NALF1: variants seen among roughly 807,000 people sequenced by gnomAD.
NALF1 encodes the protein NALCN channel auxiliary factor 1.
In NALF1, 3 loss-of-function variants were observed where a neutral mutation model predicts 48.4. That is an observed-to-expected ratio of 0.06 (90% CI 0.03 to 0.16). The LOEUF (loss-of-function observed/expected upper bound fraction) is 0.16. Among genes scored for constraint, NALF1 ranks in the 10% least tolerant of loss-of-function variants. The pLI, the probability that NALF1 is intolerant of heterozygous loss-of-function variation, is 1.00. For synonymous variants in NALF1, 262 were observed against 245.7 expected (o/e 1.07, Z -0.62); for missense variants, 526 against 571.5 (o/e 0.92, Z 0.81).
chr13:107,574,130 A>T (rs781577824), intron 1 of NALF1, among the ~76,000 whole-genome samples: 4 of 152,202 alleles, frequency 2.6e-5, no homozygotes, highest in Non-Finnish European at 4.4e-5. Context: ...AATATATGAC[A>T]TGCCTACTTC....
intron 1 of NALF1, among the ~76,000 whole-genome samples, chr13:107,590,624 T>C (rs1159186910): frequency 1.3e-5 from 2 of 152,026 alleles, no homozygotes; most frequent in Non-Finnish European, 2.9e-5. Context: ...TCTCGGAGGT[T>C]AGAAACAAGT....
At chr13:107,705,087 A>T (rs193277477) in intron 1 of NALF1, among the ~76,000 whole-genome samples, 1 of 152,324 alleles carries the variant, frequency 6.6e-6, no homozygotes, top group Non-Finnish European at 1.5e-5. Context: ...AAAAGTACAT[A>T]TATTACTCCC....
At chr13:107,324,730 T>C (rs938365477) in intron 1 of NALF1, among the ~76,000 whole-genome samples, 10 of 152,220 alleles carry the variant, frequency 6.6e-5, no homozygotes, top group African/African-American at 2.2e-4. Context: ...TGGCCAAACT[T>C]TTCTGAAATA....
In NALF1 at chr13:107,279,826, A is replaced by G. The variant is rs74114093; in HGVS notation, c.916-69071T>C. Among the ~76,000 whole-genome samples the G allele has an allele frequency of 2.6e-3, 399 of 152,282 alleles. 3 individuals carry two copies. The highest frequency in any genetic ancestry group is 9.1e-3 in the African/African-American group (378 of 41,548). ...CCTTCATTTCCTTTCCACCTGCTAA[A>G]TAATATCTTGGAATCAACTCCCACA... On this transcript the variant is annotated intron_variant, in intron 1 of 2. Transcript: ENST00000375915.
intron 1 of NALF1, among the ~76,000 whole-genome samples, chr13:107,507,192 T>G (rs1011910580): frequency 6.6e-6 from 1 of 152,104 alleles, no homozygotes; most frequent in Non-Finnish European, 1.5e-5. Flanking sequence ...TAGAATTTCA[T>G]GTTAAGCTGA....
intron 1 of NALF1, among the ~76,000 whole-genome samples, chr13:107,810,791 A>G (rs1416326940): frequency 6.6e-6 from 1 of 151,876 alleles, no homozygotes; most frequent in African/African-American, 2.4e-5. Flanking sequence ...TCTTTTTTGC[A>G]TGCAAAAAAA....
At chr13:107,795,719 A>C (rs1262416024) in intron 1 of NALF1, among the ~76,000 whole-genome samples, 1 of 152,196 alleles carries the variant, frequency 6.6e-6, no homozygotes, top group African/African-American at 2.4e-5. Context: ...TACAATTTGC[A>C]AGCAAAGTTA....
chr13:107,244,770 T>C (rs1333491581), intron 1 of NALF1, among the ~76,000 whole-genome samples: 1 of 152,202 alleles, frequency 6.6e-6, no homozygotes, highest in Non-Finnish European at 1.5e-5. Context: ...TTTTACACAT[T>C]GTAAAACTAT....
Position 107,473,174 on chromosome 13 carries a change from A to G in NALF1, c.916-262419T>C, listed in dbSNP as rs538267030. Among the ~76,000 whole-genome samples the G allele has an allele frequency of 1.6e-4, 25 of 152,302 alleles. No homozygotes were observed. In the South Asian group the frequency reaches 2.5e-3, roughly 15 times the overall value. ...AATACCAATGCTTCCCTTGTGTACC[A>G]CAGGCTTTTCTGTTTTTACACTGAC... On this transcript the variant is annotated intron_variant, in intron 1 of 2. Coordinates refer to ENST00000375915, the MANE Select transcript of NALF1 (RefSeq NM_001080396.3).
At chr13:107,806,490 A>G (rs183373720) in intron 1 of NALF1, among the ~76,000 whole-genome samples, 1 of 152,288 alleles carries the variant, frequency 6.6e-6, no homozygotes, top group African/African-American at 2.4e-5. Flanking sequence ...CTTAGAAATG[A>G]TAAGAAAATA....
chr13:107,435,943 C>T (rs1480534580), intron 1 of NALF1, among the ~76,000 whole-genome samples: 1 of 152,132 alleles, frequency 6.6e-6, no homozygotes, highest in Non-Finnish European at 1.5e-5. Context: ...TTCCACAGAG[C>T]TACAAAGCTG....
At chr13:107,261,563 C>G (rs138927523) in intron 1 of NALF1, among the ~76,000 whole-genome samples, 2,111 of 152,262 alleles carry the variant, frequency 0.014, 35 homozygotes, top group African/African-American at 0.046. Flanking sequence ...GGTAAATCTC[C>G]GAACTACTGC....
intron 1 of NALF1, among the ~76,000 whole-genome samples, chr13:107,763,361 A>G (rs1459629092): frequency 6.6e-6 from 1 of 151,988 alleles, no homozygotes; most frequent in African/African-American, 2.4e-5. Flanking sequence ...TTACAGCCTT[A>G]AAATATTTAG....
intron 1 of NALF1, among the ~76,000 whole-genome samples, chr13:107,446,607 A>G (rs1484693646): frequency 1.3e-5 from 2 of 152,072 alleles, no homozygotes; most frequent in African/African-American, 4.8e-5. Context: ...TTTAAGGTTA[A>G]TTTTCTGAAA....
At chr13:107,331,972 ACTGT>A (rs1344761411) in intron 1 of NALF1, among the ~76,000 whole-genome samples, 1 of 152,186 alleles carries the variant, frequency 6.6e-6, no homozygotes, top group Non-Finnish European at 1.5e-5. Flanking sequence ...TCCTATGTAT[ACTGT>A]CTATTTTTGA....
chr13:107,771,139 C>A (rs7320893), intron 1 of NALF1, among the ~76,000 whole-genome samples: 67,642 of 151,918 alleles, frequency 0.45, 16,076 homozygotes, highest in East Asian at 0.77. Context: ...ACTAAATTTA[C>A]AAAACAAATC....
intron 1 of NALF1, among the ~76,000 whole-genome samples, chr13:107,311,077 T>A (rs759460757): frequency 6.6e-6 from 1 of 152,160 alleles, no homozygotes; most frequent in African/African-American, 2.4e-5. Flanking sequence ...TGGCCAAATA[T>A]CCTAAGTGAC....
intron 1 of NALF1, among the ~76,000 whole-genome samples, chr13:107,328,314 A>ACT (rs1412782601): frequency 7.1e-6 from 1 of 140,790 alleles, no homozygotes; most frequent in Non-Finnish European, 1.6e-5. Flanking sequence ...ACACACACAC[A>ACT]CTTTTGTTTG....
intron 1 of NALF1, among the ~76,000 whole-genome samples, chr13:107,770,472 A>G (rs1877548428): frequency 6.6e-6 from 1 of 152,176 alleles, no homozygotes; most frequent in African/African-American, 2.4e-5. Flanking sequence ...ATGTAACTCT[A>G]GTTTATTATT....
Sources: allele counts gnomAD v4.1 joint callset (sites outside exome capture counted in the v4.1 genomes callset), GRCh38; gene constraint gnomAD v4.1.1; transcripts MANE v1.5; gene names NCBI Gene and HGNC (gene_info 2026-07-23, HGNC 2026-07-21).